PRRX1: variants seen among roughly 807,000 people sequenced by gnomAD.
PRRX1 encodes paired mesoderm homeobox protein 1.
Under a neutral mutation model 24.0 loss-of-function variants are expected in PRRX1, and 8 were observed. The ratio of observed to expected loss-of-function variants is 0.33; its 90% CI spans 0.20 to 0.60. PRRX1 has a LOEUF of 0.60. Ranked by LOEUF, PRRX1 falls within the 20% of genes least tolerant of loss-of-function variation. PRRX1 has a pLI of 0.82. For synonymous variants in PRRX1, 160 were observed against 131.7 expected, an observed-to-expected ratio of 1.22 and a Z score of -1.47; for missense variants, 281 against 322.4, an observed-to-expected ratio of 0.87 and a Z score of 0.98.
At chr1:170,704,120 T>G (rs1654485051) in intron 1 of PRRX1, among the ~76,000 whole-genome samples, 1 of 152,248 alleles carries the variant, frequency 6.6e-6, no homozygotes, top group Non-Finnish European at 1.5e-5. Flanking sequence ...TTGCTTAGTT[T>G]TGTTAAAATT....
intron 2 of PRRX1, 79 bp from the exon 3 acceptor site, chr1:170,726,141 G>T (rs1325695997): frequency 3.6e-6 from 5 of 1,390,146 alleles, no homozygotes; most frequent in South Asian, 1.2e-5. Flanking sequence ...AAATCAAGCA[G>T]AATTTCATTC....
chr1:170,707,431 G>C (rs1654606199), intron 1 of PRRX1, among the ~76,000 whole-genome samples: 1 of 152,010 alleles, frequency 6.6e-6, no homozygotes, highest in African/African-American at 2.4e-5. Context: ...TTAAAATGTA[G>C]CTTAGAATGT....
chr1:170,714,834 G>A (rs1330619587), intron 1 of PRRX1, among the ~76,000 whole-genome samples: 1 of 152,184 alleles, frequency 6.6e-6, no homozygotes, highest in African/African-American at 2.4e-5. Flanking sequence ...TAGAGCCGAG[G>A]TCAGGGCTAT....
intron 1 of PRRX1, among the ~76,000 whole-genome samples, chr1:170,706,294 T>C (rs183432481): frequency 6.6e-6 from 1 of 152,306 alleles, no homozygotes; most frequent in Admixed American, 6.5e-5. Flanking sequence ...ATTCCAAAAA[T>C]GGAGGTAATT....
chr1:170,710,726 G>A (rs1654719250), intron 1 of PRRX1, among the ~76,000 whole-genome samples: 1 of 152,152 alleles, frequency 6.6e-6, no homozygotes, highest in Non-Finnish European at 1.5e-5. Context: ...TGGAATTAGT[G>A]TCTTTATAAG....
rs1207540832 is a variant in PRRX1 at position 170,737,763 on chromosome 1, T to A, written c.*1577T>A. 1 of 221,140 alleles carries A rather than the reference T, an allele frequency of 4.5e-6. No homozygotes were observed. The highest frequency in any genetic ancestry group is 9.1e-6 in the Non-Finnish European group (1 of 110,100). The allele number at this position is 221,140 out of a possible 1,614,324, so 13.7% of individuals were successfully genotyped here. ...GACTTGACCAACTACATTACCATGC[T>A]GTGCCTCAGTTTACCCATTTGTAAA... On this transcript the variant is annotated 3_prime_UTR_variant, in exon 4 of 4. Transcript: ENST00000239461.
intron 3 of PRRX1, among the ~76,000 whole-genome samples, chr1:170,734,663 G>A (rs77067247): frequency 4.7e-5 from 7 of 148,328 alleles, no homozygotes; most frequent in South Asian, 4.3e-4. Context: ...ATGTATGTGT[G>A]CACACACACA....
intron 1 of PRRX1, among the ~76,000 whole-genome samples, chr1:170,714,821 T>C (rs796165322): frequency 1.1e-4 from 17 of 152,306 alleles, no homozygotes; most frequent in African/African-American, 4.1e-4. Flanking sequence ...GTGAACTTCA[T>C]ACTAGAGCCG....
chr1:170,670,649 A>G (rs1235751683), intron 1 of PRRX1, among the ~76,000 whole-genome samples: 1 of 152,146 alleles, frequency 6.6e-6, no homozygotes, highest in Non-Finnish European at 1.5e-5. Flanking sequence ...TTTAAGATTA[A>G]AAAAATACCA....
intron 1 of PRRX1, among the ~76,000 whole-genome samples, chr1:170,681,528 T>G (rs1653508647): frequency 1.3e-5 from 2 of 150,234 alleles, no homozygotes; most frequent in South Asian, 4.2e-4. Context: ...CACTAGACAT[T>G]TAGATGTCAG....
intron 3 of PRRX1, 58 bp from the exon 4 acceptor site, chr1:170,735,990 T>G: frequency 6.2e-7 from 1 of 1,607,566 alleles, no homozygotes; most frequent in Non-Finnish European, 8.5e-7. Context: ...GGCACAGACT[T>G]GCAGCTTTGT....
At chr1:170,715,794 CAT>C (rs1293870517) in intron 1 of PRRX1, among the ~76,000 whole-genome samples, 1 of 152,206 alleles carries the variant, frequency 6.6e-6, no homozygotes, top group Non-Finnish European at 1.5e-5. Flanking sequence ...GAAAGGACAA[CAT>C]GTGATATTCA....
chr1:170,678,995 A>G (rs1164307941), intron 1 of PRRX1, among the ~76,000 whole-genome samples: 1 of 152,192 alleles, frequency 6.6e-6, no homozygotes, highest in Non-Finnish European at 1.5e-5. Flanking sequence ...TATCCCACAA[A>G]GTCTGAAAAC....
In PRRX1 at chr1:170,736,279, A is replaced by G. The variant is rs6663373; in HGVS notation, c.*93A>G. ...ATTTCTTCATCTGCTGGGGGGAAAA[A>G]GTAAATTACAAACAAACAAACAAAG... On this transcript the variant is annotated 3_prime_UTR_variant, in exon 4 of 4. Transcript: ENST00000239461. 6.6e-7 allele frequency: 1 copy of G among 1,512,784 alleles called. No homozygotes were observed. The highest frequency in any genetic ancestry group is 9.1e-7 in the Non-Finnish European group (1 of 1,100,948). The allele number at this position is 1,512,784 out of a possible 1,614,324, so 93.7% of individuals were successfully genotyped here.
intron 1 of PRRX1, among the ~76,000 whole-genome samples, chr1:170,679,941 T>C (rs189015249): frequency 1.4e-3 from 218 of 152,362 alleles, no homozygotes; most frequent in African/African-American, 5.0e-3. Context: ...TTTTGTTTAC[T>C]TATCTTTTTT....
intron 1 of PRRX1, among the ~76,000 whole-genome samples, chr1:170,717,081 G>A (rs1654928582): frequency 6.6e-6 from 1 of 152,174 alleles, no homozygotes; most frequent in African/African-American, 2.4e-5. Flanking sequence ...ATTTGCCAGA[G>A]CCAGACTCCC....
Position 170,705,131 on chromosome 1 carries a change from A to G in PRRX1, c.242-14595A>G, listed in dbSNP as rs563464012. ...ATGTACCCCATTCTTTTTTTTTGTC[A>G]CCACTTTGCCACTTTCCTGCTCCAT... On this transcript the variant is annotated intron_variant, in intron 1 of 3. Coordinates refer to ENST00000239461, the MANE Select transcript of PRRX1 (RefSeq NM_022716.4). Among the ~76,000 whole-genome samples the G allele has an allele frequency of 8.6e-5, 13 of 151,914 alleles. No individual in the cohort carries two copies. In the South Asian group the frequency reaches 2.7e-3, roughly 32 times the overall value.
At chr1:170,669,091 G>A (rs1229301981) in intron 1 of PRRX1, 1 of 152,064 alleles carries the variant, frequency 6.6e-6, no homozygotes, top group Non-Finnish European at 1.5e-5. Context: ...GGTGAAGGAC[G>A]ATTTGGAATT....
At chr1:170,723,411 G>A (rs946827238) in intron 2 of PRRX1, among the ~76,000 whole-genome samples, 1 of 152,028 alleles carries the variant, frequency 6.6e-6, no homozygotes, top group South Asian at 2.1e-4. Flanking sequence ...AAATTTACAT[G>A]TCTTCATTTA....
Sources: gnomAD v4.1 joint callset for allele counts (sites outside exome capture counted in the v4.1 genomes callset) on GRCh38, gnomAD v4.1.1 for gene constraint, MANE v1.5 for transcripts, NCBI Gene and HGNC (gene_info 2026-07-23, HGNC 2026-07-21) for gene names.